Variants in FBXL7 observed in about 807,000 individuals in gnomAD.
FBXL7 encodes the protein F-box and leucine rich repeat protein 7, also known as F-box/LRR-repeat protein 7.
Under a neutral mutation model 38.3 loss-of-function variants are expected in FBXL7, and 12 were observed. The observed-to-expected ratio is 0.31, with a 90% CI of 0.20 to 0.51. FBXL7 has a LOEUF of 0.51. Ranked by LOEUF, FBXL7 falls within the 20% of genes least tolerant of loss-of-function variation. The pLI is 0.98. For synonymous variants in FBXL7, 297 were observed against 300.9 expected (o/e 0.99, Z 0.13); for missense variants, 567 against 676.4 (o/e 0.84, Z 1.79).
At chr5:15,706,080 A>C (rs1743671200) in intron 2 of FBXL7, among the ~76,000 whole-genome samples, 1 of 152,140 alleles carries the variant, frequency 6.6e-6, no homozygotes, top group Admixed American at 6.5e-5. Context: ...GAGTGTGAAT[A>C]AGGAGGCAGG....
intron 2 of FBXL7, among the ~76,000 whole-genome samples, chr5:15,854,886 A>T (rs1235743639): frequency 2.0e-5 from 3 of 152,220 alleles, no homozygotes; most frequent in Non-Finnish European, 4.4e-5. Context: ...GTCAAACCAA[A>T]AAAAACAGAT....
chr5:15,858,419 A>C (rs1004812910), intron 2 of FBXL7, among the ~76,000 whole-genome samples: 2 of 152,088 alleles, frequency 1.3e-5, no homozygotes, highest in African/African-American at 4.8e-5. Flanking sequence ...CATTGGATGA[A>C]AAAAAGGTTT....
rs199519096 is a variant in FBXL7 at position 15,591,428 on chromosome 5, CAA to C, written c.38-24541_38-24540del. ...TGGGCAACAGAGTGAGACTCTGTCT[CAA>C]AAAAAAAAAAAAAGACTGGAGAATT... is the stretch of plus-strand genomic sequence containing the variant. On this transcript the variant is annotated intron_variant, in intron 1 of 3. Coordinates refer to ENST00000504595, the MANE Select transcript of FBXL7 (RefSeq NM_012304.5). 5.0e-3 allele frequency among the ~76,000 whole-genome samples: 494 copies of C among 98,994 alleles called. 4 individuals are homozygous for C. Among genetic ancestry groups the C allele is most frequent in the African/African-American group, 0.018 (431 of 23,988 alleles). The allele number at this position is 98,994 out of a possible 152,430, so 64.9% of individuals were successfully genotyped here. A position where few individuals can be genotyped will look rare whatever the true frequency, so the allele number is the denominator to read the frequency against.
chr5:15,596,540 T>A (rs1435037315), intron 1 of FBXL7, among the ~76,000 whole-genome samples: 7 of 152,142 alleles, frequency 4.6e-5, no homozygotes, highest in African/African-American at 7.2e-5. Flanking sequence ...GAAAAGTAAA[T>A]GCTTGAATTA....
intron 2 of FBXL7, among the ~76,000 whole-genome samples, chr5:15,672,557 CTT>C (rs35987843): frequency 0.099 from 13,427 of 134,986 alleles, 1,081 homozygotes; most frequent in East Asian, 0.38. Context: ...TAATCTTTTT[CTT>C]TTTTTTTTTT....
chr5:15,593,159 G>A (rs1287202769), intron 1 of FBXL7, among the ~76,000 whole-genome samples: 1 of 152,148 alleles, frequency 6.6e-6, no homozygotes, highest in Non-Finnish European at 1.5e-5. Flanking sequence ...TTGACATTTT[G>A]TTCCCTGCGT....
At chr5:15,517,683 A>G (rs1394971940) in intron 1 of FBXL7, among the ~76,000 whole-genome samples, 2 of 152,154 alleles carry the variant, frequency 1.3e-5, no homozygotes, top group African/African-American at 2.4e-5. Flanking sequence ...CCTTGAATAG[A>G]TTTAGAAAGG....
chr5:15,502,701 C>T (rs1736530111), intron 1 of FBXL7, among the ~76,000 whole-genome samples: 1 of 152,130 alleles, frequency 6.6e-6, no homozygotes, highest in Non-Finnish European at 1.5e-5. Context: ...TCTCTAAACC[C>T]CACCTATACT....
At chr5:15,793,328 C>T (rs528544134) in intron 2 of FBXL7, among the ~76,000 whole-genome samples, 2 of 152,302 alleles carry the variant, frequency 1.3e-5, no homozygotes, top group South Asian at 4.1e-4. Context: ...TGGGGAGACT[C>T]CCTCGCATCT....
At chr5:15,891,533 G>T (rs1165559983) in intron 2 of FBXL7, among the ~76,000 whole-genome samples, 2 of 152,182 alleles carry the variant, frequency 1.3e-5, no homozygotes, top group Non-Finnish European at 2.9e-5. Flanking sequence ...AAAGAAAGAT[G>T]ATGTCCTTTG....
intron 1 of FBXL7, among the ~76,000 whole-genome samples, chr5:15,510,017 G>A (rs144697640): frequency 9.2e-5 from 14 of 152,268 alleles, no homozygotes; most frequent in African/African-American, 2.9e-4. Flanking sequence ...TCCCCGTTCC[G>A]TAGTTGAAAA....
rs547659717 is a variant in FBXL7 at position 15,862,403 on chromosome 5, C to T, written c.128-65487C>T. ...CTTTCATTTGTAAATTGCCCTGTCTCGGCTATGTCCTTATCAACAGCATAA... is the reference window on the plus strand; with the variant it reads ...CTTTCATTTGTAAATTGCCCTGTCTTGGCTATGTCCTTATCAACAGCATAA... On this transcript the variant is annotated intron_variant, in intron 2 of 3. Transcript: ENST00000504595. Among the ~76,000 whole-genome samples the T allele has an allele frequency of 1.1e-4, 17 of 152,280 alleles. 1 individual carries two copies. Among genetic ancestry groups the T allele is most frequent in the African/African-American group, 4.1e-4 (17 of 41,550 alleles).
intron 2 of FBXL7, among the ~76,000 whole-genome samples, chr5:15,707,628 T>C (rs1743732108): frequency 6.6e-6 from 1 of 152,122 alleles, no homozygotes; most frequent in African/African-American, 2.4e-5. Flanking sequence ...GAGCAGAAGC[T>C]TGGAAGGCAG....
intron 2 of FBXL7, among the ~76,000 whole-genome samples, chr5:15,880,458 G>T (rs1740398294): frequency 6.6e-6 from 1 of 152,170 alleles, no homozygotes; most frequent in Non-Finnish European, 1.5e-5. Context: ...CTGTGAACAG[G>T]TGCCCACCTG....
chr5:15,720,730 A>G (rs1302043865), intron 2 of FBXL7, among the ~76,000 whole-genome samples: 1 of 139,010 alleles, frequency 7.2e-6, no homozygotes, highest in African/African-American at 2.6e-5. Context: ...CAGCTACCAT[A>G]TGTATTAGAC....
chr5:15,664,469 C>CTTTTTTTTTTTTTTTTT (rs34999340), intron 2 of FBXL7, among the ~76,000 whole-genome samples: 6 of 105,548 alleles, frequency 5.7e-5, no homozygotes, highest in East Asian at 3.1e-4. Flanking sequence ...TTTTCTTTTC[C>CTTTTTTTTTTTTTTTTT]TTTTTTTTTT....
intron 2 of FBXL7, among the ~76,000 whole-genome samples, chr5:15,629,443 T>A (rs4627983): frequency 0.1 from 15,819 of 152,202 alleles, 949 homozygotes; most frequent in African/African-American, 0.16. Flanking sequence ...TAAATTATTA[T>A]ATGACATGTT....
chr5:15,874,849 T>C (rs1158093577), intron 2 of FBXL7, among the ~76,000 whole-genome samples: 1 of 152,186 alleles, frequency 6.6e-6, no homozygotes, highest in Non-Finnish European at 1.5e-5. Flanking sequence ...CAAAGTAATT[T>C]ATAGATTCAA....
At chr5:15,696,809 CATT>C (rs1376916613) in intron 2 of FBXL7, among the ~76,000 whole-genome samples, 4 of 152,184 alleles carry the variant, frequency 2.6e-5, no homozygotes, top group African/African-American at 4.8e-5. Context: ...GGAACCTCAT[CATT>C]GTTTCACAGT....
Sources: allele counts gnomAD v4.1 joint callset (sites outside exome capture counted in the v4.1 genomes callset), GRCh38; gene constraint gnomAD v4.1.1; transcripts MANE v1.5; gene names NCBI Gene and HGNC (gene_info 2026-07-23, HGNC 2026-07-21).